DMD: variants seen among roughly 807,000 people sequenced by gnomAD.
DMD encodes mutant dystrophin.
Under a neutral mutation model 330.1 loss-of-function variants are expected in DMD, and 63 were observed. The observed-to-expected ratio is 0.19, with a 90% CI of 0.16 to 0.24. The LOEUF (loss-of-function observed/expected upper bound fraction) is 0.24. DMD is among the 10% of genes least tolerant of loss of function. DMD has a pLI of 1.00. For missense variants in DMD, 3,344 were observed against 2,684.1 expected (o/e 1.25, Z -5.43); for synonymous variants, 1,223 against 959.8 (o/e 1.27, Z -5.07).
chrX:31,768,829 T>C (rs980088719), intron 51 of DMD, among the ~76,000 whole-genome samples: 6 of 112,074 alleles, frequency 5.4e-5, no homozygotes, highest in Non-Finnish European at 1.1e-4. Flanking sequence ...AAGGCTTAAT[T>C]TGCATATTTC....
chrX:32,590,782 C>T (rs754029625), intron 13 of DMD, among the ~76,000 whole-genome samples: 2 of 111,266 alleles, frequency 1.8e-5, no homozygotes, highest in South Asian at 7.7e-4. Context: ...GGTCTTGAGG[C>T]TTTTGGACTT....
intron 43 of DMD, among the ~76,000 whole-genome samples, chrX:32,264,014 T>A (rs1435910191): frequency 8.9e-6 from 1 of 111,758 alleles, no homozygotes; most frequent in East Asian, 2.8e-4. Flanking sequence ...TCATAGATCT[T>A]AAAGGCAGTG....
At chrX:32,558,943 T>TC (rs2050653916) in intron 16 of DMD, among the ~76,000 whole-genome samples, 8 of 36,861 alleles carry the variant, frequency 2.2e-4, no homozygotes, top group African/African-American at 6.1e-4. Context: ...ATTTTCTTTT[T>TC]TTTTTTTTTT....
intron 18 of DMD, among the ~76,000 whole-genome samples, chrX:32,503,357 T>C (rs2044254569): frequency 8.9e-6 from 1 of 112,108 alleles, no homozygotes; most frequent in African/African-American, 3.2e-5. Flanking sequence ...GCCACTGTAC[T>C]CCAGCCTGGG....
intron 1 of DMD, among the ~76,000 whole-genome samples, chrX:33,246,368 T>C (rs997616785): frequency 9.0e-6 from 1 of 111,517 alleles, no homozygotes; most frequent in Non-Finnish European, 1.9e-5. Flanking sequence ...TTGTTTCATT[T>C]ATACAGTTCC....
intron 44 of DMD, among the ~76,000 whole-genome samples, chrX:32,136,793 A>G (rs1260968434): frequency 1.9e-5 from 2 of 103,983 alleles, no homozygotes; most frequent in African/African-American, 7.0e-5. Context: ...AGAAAATAAT[A>G]TTGGGAATTG....
chrX:33,320,517 T>G (rs987783323), intron 1 of DMD, among the ~76,000 whole-genome samples: 1 of 112,384 alleles, frequency 8.9e-6, no homozygotes, highest in Non-Finnish European at 1.9e-5. Flanking sequence ...AAACATAATT[T>G]ATTGCTAAAA....
chrX:32,407,849 C>T lies in DMD; in HGVS notation c.4233+3903G>A, dbSNP rs962310925. On this transcript the variant is annotated intron_variant, in intron 30 of 78. Transcript: ENST00000357033. ...GGACATGGATGAAGCTGGAAACCAT[C>T]ATTCTCAGCAAACTATCGCAAGGAC... Among the ~76,000 whole-genome samples the T allele has an allele frequency of 3.3e-4, 35 of 107,477 alleles. No homozygotes were observed. In the East Asian group the frequency reaches 3.9e-3, roughly 12 times the overall value. 93.3% of individuals were successfully genotyped at this position (107,477 alleles called of 115,157 possible).
chrX:31,731,599 A>G (rs1191342212), intron 51 of DMD, among the ~76,000 whole-genome samples: 1 of 112,028 alleles, frequency 8.9e-6, no homozygotes, highest in Admixed American at 9.5e-5. Context: ...TCATTTTAAT[A>G]AATATTTTTC....
At chrX:32,890,121 G>A (rs1468547457) in intron 2 of DMD, among the ~76,000 whole-genome samples, 1 of 111,404 alleles carries the variant, frequency 9.0e-6, no homozygotes. Context: ...AAAGCAAACC[G>A]GTAATAAATC....
intron 67 of DMD, among the ~76,000 whole-genome samples, chrX:31,188,858 A>G (rs946777404): frequency 8.9e-6 from 1 of 112,099 alleles, no homozygotes; most frequent in Non-Finnish European, 1.9e-5. Context: ...TCATACAAAT[A>G]TCACCTTTAT....
At chrX:32,463,131 A>G (rs1333975309) in intron 25 of DMD, among the ~76,000 whole-genome samples, 2 of 111,846 alleles carry the variant, frequency 1.8e-5, no homozygotes, top group South Asian at 3.7e-4. Context: ...TTATTATTAT[A>G]CATTTATGTT....
At chrX:32,716,312 C>G (rs1477431376) in intron 7 of DMD, among the ~76,000 whole-genome samples, 1 of 110,396 alleles carries the variant, frequency 9.1e-6, no homozygotes, top group African/African-American at 3.3e-5. Context: ...AATGAGTTCT[C>G]ATGAGATCTG....
chrX:31,620,863 G>A (rs936092384), intron 55 of DMD, among the ~76,000 whole-genome samples: 1 of 111,521 alleles, frequency 9.0e-6, no homozygotes, highest in East Asian at 2.8e-4. Context: ...GTAACATTTT[G>A]GTGACATTTA....
intron 11 of DMD, among the ~76,000 whole-genome samples, chrX:32,618,316 G>A (rs767202493): frequency 3.7e-4 from 41 of 112,221 alleles, no homozygotes; most frequent in African/African-American, 1.3e-3. Context: ...ACATACCATG[G>A]AATACTATGC....
intron 51 of DMD, among the ~76,000 whole-genome samples, chrX:31,766,258 CTAAT>C (rs1362826008): frequency 8.9e-6 from 1 of 111,758 alleles, no homozygotes; most frequent in African/African-American, 3.3e-5. Flanking sequence ...ATAGAATTCT[CTAAT>C]TATTTATTTA....
intron 67 of DMD, among the ~76,000 whole-genome samples, chrX:31,186,955 C>G (rs1483694582): frequency 2.7e-5 from 3 of 112,438 alleles, no homozygotes; most frequent in Non-Finnish European, 3.8e-5. Context: ...ACACCTGTGT[C>G]CAGATACCCC....
chrX:32,861,153 T>C (rs543242500), intron 2 of DMD, among the ~76,000 whole-genome samples: 42 of 111,970 alleles, frequency 3.8e-4, no homozygotes, highest in African/African-American at 1.2e-3. Flanking sequence ...TGTGGTGATA[T>C]TGCAAAGATT....
chrX:31,201,879 A>G (rs1408002351), intron 67 of DMD, among the ~76,000 whole-genome samples: 4 of 112,187 alleles, frequency 3.6e-5, no homozygotes, highest in African/African-American at 1.3e-4. Context: ...TGTGTGTTTC[A>G]CTAGAACTCA....
Sources: gnomAD v4.1 joint callset for allele counts (sites outside exome capture counted in the v4.1 genomes callset) on GRCh38, gnomAD v4.1.1 for gene constraint, MANE v1.5 for transcripts, NCBI Gene and HGNC (gene_info 2026-07-23, HGNC 2026-07-21) for gene names.